SEC14L1: variants seen among roughly 807,000 people sequenced by gnomAD.
SEC14L1 encodes SEC14-like protein 1.
Under a neutral mutation model 85.3 loss-of-function variants are expected in SEC14L1, and 48 were observed. The ratio of observed to expected loss-of-function variants is 0.56; its 90% CI spans 0.45 to 0.72. The LOEUF is 0.72. Ranked by LOEUF, SEC14L1 falls within the 30% of genes least tolerant of loss-of-function variation. The probability of loss-of-function intolerance (pLI) is 0.00; values close to 1 mark genes in which losing one functional copy is unlikely to be tolerated. For synonymous variants in SEC14L1, 391 were observed against 355.5 expected (o/e 1.10, Z -1.12); for missense variants, 682 against 921.4 (o/e 0.74, Z 3.36).
chr17:77,099,992 C>T (rs1403580733), intron 3 of SEC14L1, among the ~76,000 whole-genome samples: 2 of 152,186 alleles, frequency 1.3e-5, no homozygotes, highest in African/African-American at 2.4e-5. Flanking sequence ...GTAATACATG[C>T]ATTAGTTCAA....
chr17:77,189,583 C>T (rs1237037509), intron 3 of SEC14L1, among the ~76,000 whole-genome samples: 1 of 151,946 alleles, frequency 6.6e-6, no homozygotes, highest in Non-Finnish European at 1.5e-5. Flanking sequence ...TTTGTAAATC[C>T]CTCCTCCCAT....
intron 3 of SEC14L1, among the ~76,000 whole-genome samples, chr17:77,111,355 G>A (rs1972041141): frequency 6.6e-6 from 1 of 151,748 alleles, no homozygotes; most frequent in Admixed American, 6.6e-5. Context: ...GAATGTTGAG[G>A]TTAAGATAAA....
At chr17:77,190,245 C>T (rs1311026754) in intron 3 of SEC14L1, among the ~76,000 whole-genome samples, 1 of 152,108 alleles carries the variant, frequency 6.6e-6, no homozygotes, top group South Asian at 2.1e-4. Flanking sequence ...TCCCTCATTG[C>T]TTTTACATCT....
Position 77,216,470 on chromosome 17 carries a change from C to T in SEC14L1, c.*2447C>T, listed in dbSNP as rs1977104355. On this transcript the variant is annotated 3_prime_UTR_variant, in exon 17 of 17. Transcript: ENST00000436233. ...GTTAGTAGCGCGTCTGTGCTGCTTC[C>T]ACCTGGTGCTTCCTGTTCCCAAATC... 1.2e-6 allele frequency: 2 copies of T among 1,611,824 alleles called. No homozygotes were observed.
At chr17:77,191,004 G>T in intron 4 of SEC14L1, 52 bp downstream of exon 4, 2 of 1,602,324 alleles carry the variant, frequency 1.2e-6, no homozygotes, top group East Asian at 2.2e-5. Flanking sequence ...GGTGGGAGAG[G>T]GCGTCCTGGT....
chr17:77,183,182 A>G (rs961896426), intron 3 of SEC14L1, among the ~76,000 whole-genome samples: 3 of 152,258 alleles, frequency 2.0e-5, no homozygotes, highest in African/African-American at 4.8e-5. Flanking sequence ...TTTATTTTAC[A>G]TGTGGACTTT....
intron 3 of SEC14L1, among the ~76,000 whole-genome samples, chr17:77,173,683 T>C (rs977364365): frequency 2.0e-5 from 3 of 152,230 alleles, no homozygotes; most frequent in African/African-American, 7.2e-5. Flanking sequence ...TGAGGATAGT[T>C]TCCTTAGTCC....
chr17:77,135,410 C>G (rs1047144781), intron 3 of SEC14L1, among the ~76,000 whole-genome samples: 2 of 152,238 alleles, frequency 1.3e-5, no homozygotes, highest in African/African-American at 4.8e-5. Context: ...GGCTCCATAG[C>G]ACTGTCCCTA....
At chr17:77,111,397 T>G (rs978661198) in intron 3 of SEC14L1, among the ~76,000 whole-genome samples, 1 of 93,606 alleles carries the variant, frequency 1.1e-5, no homozygotes, top group African/African-American at 7.6e-5. Flanking sequence ...TTTTGAAGTG[T>G]TTTTTTTTTT....
chr17:77,128,490 G>A (rs1292476376), intron 3 of SEC14L1, among the ~76,000 whole-genome samples: 5 of 136,558 alleles, frequency 3.7e-5, no homozygotes, highest in Admixed American at 1.5e-4. Context: ...ACATAGTCTC[G>A]TTCTGTCGCC....
chr17:77,124,979 ATTATTATTATTATTATTATTT>A (rs1029092013), intron 3 of SEC14L1, among the ~76,000 whole-genome samples: 14 of 59,274 alleles, frequency 2.4e-4, no homozygotes, highest in Middle Eastern at 8.9e-3. Flanking sequence ...ATTTACTATT[ATTATTATTATTATTATTATTT>A]TTATTATTAT....
intron 3 of SEC14L1, among the ~76,000 whole-genome samples, chr17:77,189,758 A>G (rs1288642639): frequency 1.3e-5 from 2 of 152,102 alleles, no homozygotes; most frequent in Admixed American, 1.3e-4. Context: ...CCTCCTGAGT[A>G]GCTGGAACTA....
chr17:77,201,738 T>C (rs1028856778), intron 9 of SEC14L1, among the ~76,000 whole-genome samples: 2 of 152,176 alleles, frequency 1.3e-5, no homozygotes, highest in Non-Finnish European at 2.9e-5. Flanking sequence ...CGTGAGCCAT[T>C]GCGCCCGGCC....
At position 77,214,844 on chromosome 17, in the gene SEC14L1, G is replaced by GGCC. The variant is rs1976960901; in HGVS notation, c.*822_*824dup. Reference sequence around the variant, plus strand: ...TGCAGTCAGCTCCCAGCCCAGTGTAGGCCATCTCCTCTGTGCCCTCTGGTG... The same window carrying GGCC: ...TGCAGTCAGCTCCCAGCCCAGTGTAGGCCGCCATCTCCTCTGTGCCCTCTGGTG... On this transcript the variant is annotated 3_prime_UTR_variant, in exon 17 of 17. Transcript: ENST00000436233. The GGCC allele has an allele frequency of 1.0e-6, 1 of 985,406 alleles. No individual in the cohort carries two copies. The highest frequency in any genetic ancestry group is 4.7e-5 in the South Asian group (1 of 21,294). The allele number at this position is 985,406 out of a possible 1,614,324, so 61.0% of individuals were successfully genotyped here. A position where few individuals can be genotyped will look rare whatever the true frequency, so the allele number is the denominator to read the frequency against.
At chr17:77,180,052 TGTTA>T (rs879870528) in intron 3 of SEC14L1, among the ~76,000 whole-genome samples, 588 of 16,536 alleles carry the variant, frequency 0.036, 7 homozygotes, top group Admixed American at 0.18. Context: ...TGTTTTGTTA[TGTTA>T]TGTTATGTTA....
At chr17:77,095,868 TCTCCTACACAGTAATGGGCGCGCTC>T (rs1011601659) in intron 3 of SEC14L1, among the ~76,000 whole-genome samples, 6 of 151,788 alleles carry the variant, frequency 4.0e-5, no homozygotes, top group Non-Finnish European at 8.8e-5. Flanking sequence ...CTTCACTAAT[TCTCCTACACAGTAATGGGCGCGCTC>T]CTCCTACACA....
upstream of SEC14L1, among the ~76,000 whole-genome samples, chr17:77,136,253 TTC>T (rs199953444): frequency 0.013 from 1,840 of 145,140 alleles, 43 homozygotes; most frequent in African/African-American, 0.042. Context: ...CCTCTTTCCT[TTC>T]TTTCTTTCTC....
rs554941912 is a variant in SEC14L1 at position 77,175,166 on chromosome 17, G to A, written c.64-15637G>A. On this transcript the variant is annotated intron_variant, in intron 3 of 16. Transcript: ENST00000436233. ...GGGCTTCTGAACAAAGAACAAGGAC[G>A]TTACACAGTTAAACCCTTTGAAGAG... Among the ~76,000 whole-genome samples, 14 of 152,296 alleles carry A rather than the reference G, an allele frequency of 9.2e-5. No homozygotes were observed. In the South Asian group the frequency reaches 1.5e-3, roughly 16 times the overall value.
intron 3 of SEC14L1, among the ~76,000 whole-genome samples, chr17:77,146,673 A>T (rs1973324929): frequency 6.6e-6 from 1 of 151,374 alleles, no homozygotes; most frequent in Admixed American, 6.6e-5. Context: ...CACCAGCTTC[A>T]GGAAATTTTC....
Sources: gnomAD v4.1 joint callset for allele counts (sites outside exome capture counted in the v4.1 genomes callset) on GRCh38, gnomAD v4.1.1 for gene constraint, MANE v1.5 for transcripts, NCBI Gene and HGNC (gene_info 2026-07-23, HGNC 2026-07-21) for gene names.